ST7L: variants seen among roughly 807,000 people sequenced by gnomAD.
ST7L encodes suppression of tumorigenicity 7 like, also known as suppressor of tumorigenicity 7 protein-like.
A neutral mutation model predicts 72.5 loss-of-function variants in ST7L; 57 were observed. That is an observed-to-expected ratio of 0.79 (90% CI 0.64 to 0.98). The LOEUF is 0.98. ST7L is among the 50% of genes least tolerant of loss of function. The pLI is 0.00. For synonymous variants in ST7L, 221 were observed against 240.9 expected, an observed-to-expected ratio of 0.92 and a Z score of 0.77; for missense variants, 576 against 672.2, an observed-to-expected ratio of 0.86 and a Z score of 1.58.
chr1:112,610,668 G>A, intron 3 of ST7L, 173 bp downstream of exon 3: 1 of 744,526 alleles, frequency 1.3e-6, no homozygotes, highest in South Asian at 1.9e-5. Context: ...CTGCCCTCAT[G>A]ACCTGATCAC....
chr1:112,519,249 G>T (rs1251274040), downstream of ST7L, among the ~76,000 whole-genome samples: 2 of 152,120 alleles, frequency 1.3e-5, no homozygotes, highest in African/African-American at 4.8e-5. Flanking sequence ...TTATACCTGT[G>T]TTCCACTATA....
At position 112,524,343 on chromosome 1, in the gene ST7L, A is replaced by C. The variant is rs1378451441; in HGVS notation, c.*1670T>G. 8 of 152,580 alleles carry C rather than the reference A, an allele frequency of 5.2e-5. No homozygotes were observed. Among genetic ancestry groups the C allele is most frequent in the Non-Finnish European group, 1.0e-4 (7 of 68,056 alleles). The allele number at this position is 152,580 out of a possible 1,614,324, so 9.5% of individuals were successfully genotyped here. ...TCAAGCTAGCTGGGGCGAAGGGAGG[A>C]CGCCAGGGAGAGTATGTTTCTCATC... On this transcript the variant is annotated 3_prime_UTR_variant, in exon 15 of 15. Transcript: ENST00000358039.
intron 11 of ST7L, among the ~76,000 whole-genome samples, chr1:112,570,556 TATATATATATATATAC>T (rs751556859): frequency 2.3e-5 from 2 of 86,284 alleles, no homozygotes; most frequent in South Asian, 2.7e-4. Flanking sequence ...TATATATATA[TATATATATATATATAC>T]ACACACACAT....
At chr1:112,596,026 G>C (rs1666427223) in intron 5 of ST7L, among the ~76,000 whole-genome samples, 1 of 152,156 alleles carries the variant, frequency 6.6e-6, no homozygotes, top group Non-Finnish European at 1.5e-5. Flanking sequence ...CTCTGTGAGA[G>C]GGGCTGTGAG....
intron 14 of ST7L, chr1:112,541,695 T>C: frequency 2.3e-6 from 2 of 851,900 alleles, no homozygotes; most frequent in Non-Finnish European, 3.1e-6. Flanking sequence ...CCAAAAGTGA[T>C]CTATAAGAGC....
chr1:112,580,791 G>T (rs1179874347), intron 9 of ST7L, among the ~76,000 whole-genome samples: 1 of 152,144 alleles, frequency 6.6e-6, no homozygotes, highest in Non-Finnish European at 1.5e-5. Context: ...AGCCAGACAT[G>T]GTGGCAGGCA....
chr1:112,573,192 T>C (rs1038665099), intron 11 of ST7L, among the ~76,000 whole-genome samples: 1 of 151,292 alleles, frequency 6.6e-6, no homozygotes, highest in African/African-American at 2.4e-5. Flanking sequence ...CAACCGAAAA[T>C]ACAAAATTAG....
At chr1:112,571,479 T>TGCCC (rs1662136658) in intron 11 of ST7L, 1 of 264,740 alleles carries the variant, frequency 3.8e-6, no homozygotes, top group Non-Finnish European at 7.4e-6. Flanking sequence ...CCAGGCAGAG[T>TGCCC]ACAATGGCAT....
At chr1:112,602,677 G>A (rs1667594316) in intron 3 of ST7L, among the ~76,000 whole-genome samples, 1 of 151,368 alleles carries the variant, frequency 6.6e-6, no homozygotes, top group South Asian at 2.1e-4. Context: ...CAAATTTAAC[G>A]GTTATTTAGA....
intron 11 of ST7L, chr1:112,571,324 G>C: frequency 2.2e-6 from 1 of 456,524 alleles, no homozygotes; most frequent in Non-Finnish European, 4.4e-6. Flanking sequence ...TTGATATTTA[G>C]TTGAGGGGAA....
chr1:112,561,432 T>C (rs1191148800), intron 11 of ST7L, among the ~76,000 whole-genome samples: 1 of 151,922 alleles, frequency 6.6e-6, no homozygotes, highest in African/African-American at 2.4e-5. Context: ...CTGGATTTCT[T>C]TTTCTATGCA....
intron 3 of ST7L, among the ~76,000 whole-genome samples, chr1:112,605,311 T>C (rs1278606498): frequency 1.3e-5 from 2 of 152,206 alleles, no homozygotes; most frequent in East Asian, 3.9e-4. Context: ...GAGAATCACC[T>C]GAACCCAGGC....
chr1:112,520,228 AGGG>A (rs1463997194), downstream of ST7L: 15 of 1,538,918 alleles, frequency 9.7e-6, no homozygotes, highest in African/African-American at 1.9e-4. Flanking sequence ...AAGGGTATCC[AGGG>A]CAGCTGAAGA....
At chr1:112,581,266 C>T (rs1247667761) in intron 9 of ST7L, among the ~76,000 whole-genome samples, 5 of 152,194 alleles carry the variant, frequency 3.3e-5, no homozygotes, top group Admixed American at 6.5e-5. Context: ...TAAGGTACCC[C>T]TACTATGTGC....
At chr1:112,602,811 G>A (rs1160377311) in intron 3 of ST7L, among the ~76,000 whole-genome samples, 2 of 150,570 alleles carry the variant, frequency 1.3e-5, no homozygotes, top group African/African-American at 4.9e-5. Flanking sequence ...CGCCTCCCAG[G>A]TTCACGCCAT....
intron 6 of ST7L, among the ~76,000 whole-genome samples, chr1:112,585,468 C>T (rs1369047329): frequency 1.3e-5 from 2 of 152,112 alleles, no homozygotes; most frequent in Non-Finnish European, 2.9e-5. Context: ...TTGGGCCGGG[C>T]GCGGTGGCTC....
intron 10 of ST7L, among the ~76,000 whole-genome samples, chr1:112,577,826 C>T (rs1411438500): frequency 1.3e-5 from 2 of 152,068 alleles, no homozygotes; most frequent in East Asian, 1.9e-4. Flanking sequence ...AAAATGGCCA[C>T]TATTTGGTTG....
In ST7L at chr1:112,618,917, A is replaced by G; in HGVS notation, c.197T>C (p.Leu66Ser). The G allele has an allele frequency of 6.4e-7, 1 of 1,561,688 alleles. No individual in the cohort carries two copies. Among genetic ancestry groups the G allele is most frequent in the Admixed American group, 1.9e-5 (1 of 51,844 alleles). Residue 66 changes from leucine (L) to serine (S), a missense_variant, in exon 1 of 15, where the codon TTG (leucine) becomes TCG (serine). Coordinates refer to ENST00000358039, the MANE Select transcript of ST7L (RefSeq NM_017744.5). ...AGGTCTGGTCCTCTCACCCGCTGCCAAATTCTCACACAGCCTCAAAGGGAT... is the reference window on the plus strand; with the variant it reads ...AGGTCTGGTCCTCTCACCCGCTGCCGAATTCTCACACAGCCTCAAAGGGAT... Reference protein sequence around the residue: ...LRIPLRLCENLAAVTVFLNSL... With the variant: ...LRIPLRLCENSAAVTVFLNSL...
rs141812668 is a variant in ST7L, at chr1:112,524,213, C to G, written c.*1800G>C. 5 of 152,644 alleles carry G rather than the reference C, an allele frequency of 3.3e-5. No homozygotes were observed. In the South Asian group the frequency reaches 1.0e-3, roughly 32 times the overall value. 9.5% of individuals were successfully genotyped at this position (152,644 alleles called of 1,614,324 possible). A position where few individuals can be genotyped will look rare whatever the true frequency, so the allele number is the denominator to read the frequency against. ...CAAATTCTCAGACCCACTCAGGACA[C>G]GAGTCTCTACATGGCTTAACAGAAG... On this transcript the variant is annotated 3_prime_UTR_variant, in exon 15 of 15. Transcript: ENST00000358039.
Sources: allele counts gnomAD v4.1 joint callset (sites outside exome capture counted in the v4.1 genomes callset), GRCh38; gene constraint gnomAD v4.1.1; transcripts MANE v1.5; gene names NCBI Gene and HGNC (gene_info 2026-07-23, HGNC 2026-07-21).